The following C10orf67 variants were observed in gnomAD, a reference collection of about 807,000 sequenced individuals.
The protein encoded by C10orf67 is chromosome 10 open reading frame 67.
C10orf67 carries 60 observed loss-of-function variants against 35.6 expected under a neutral mutation model. The ratio of observed to expected loss-of-function variants is 1.68; its 90% CI spans 1.37 to 2.09. The LOEUF (loss-of-function observed/expected upper bound fraction) is 2.09, where lower values mean the gene tolerates loss of function less well. Ranked by LOEUF, C10orf67 falls within the 30% of genes most tolerant of loss-of-function variation. The pLI is 0.00. For synonymous variants in C10orf67, 167 were observed against 115.8 expected, an observed-to-expected ratio of 1.44 and a Z score of -2.84; for missense variants, 474 against 330.2, an observed-to-expected ratio of 1.44 and a Z score of -3.38.
At chr10:23,309,188 A>G (rs1412984129) in intron 4 of C10orf67, among the ~76,000 whole-genome samples, 1 of 152,218 alleles carries the variant, frequency 6.6e-6, no homozygotes, top group Admixed American at 6.5e-5. Context: ...TAATATATAT[A>G]TCATGGAATA....
chr10:23,297,770 A>G (rs1296689842), intron 5 of C10orf67, among the ~76,000 whole-genome samples: 1 of 152,270 alleles, frequency 6.6e-6, no homozygotes, highest in Non-Finnish European at 1.5e-5. Context: ...ACAAGTGCGC[A>G]GTCGCAGCAC....
intron 10 of C10orf67, among the ~76,000 whole-genome samples, chr10:23,262,188 G>A (rs904852994): frequency 5.3e-5 from 8 of 152,186 alleles, no homozygotes; most frequent in African/African-American, 1.2e-4. Context: ...ATGAGTGACA[G>A]CATGTCAGAT....
At chr10:23,243,467 T>C (rs1564468829) in intron 12 of C10orf67, among the ~76,000 whole-genome samples, 1 of 152,178 alleles carries the variant, frequency 6.6e-6, no homozygotes, top group Non-Finnish European at 1.5e-5. Context: ...GCGGATCATC[T>C]GAGGTCAGGA....
intron 8 of C10orf67, among the ~76,000 whole-genome samples, chr10:23,277,219 A>G (rs1843217436): frequency 6.6e-6 from 1 of 152,186 alleles, no homozygotes; most frequent in Admixed American, 6.5e-5. Flanking sequence ...ATCTACGAGA[A>G]TTTAAATATT....
chr10:23,260,246 G>A (rs934372226), intron 10 of C10orf67, among the ~76,000 whole-genome samples: 1 of 152,026 alleles, frequency 6.6e-6, no homozygotes, highest in Non-Finnish European at 1.5e-5. Context: ...TATCTTCAAA[G>A]TATTAAAAGA....
At chr10:23,227,842 C>T (rs1841783918) in intron 13 of C10orf67, among the ~76,000 whole-genome samples, 1 of 152,054 alleles carries the variant, frequency 6.6e-6, no homozygotes, top group Non-Finnish European at 1.5e-5. Flanking sequence ...TTCATAATTG[C>T]TTCAAAGAGA....
chr10:23,212,532 C>T (rs1409283706), intron 15 of C10orf67, among the ~76,000 whole-genome samples: 1 of 152,112 alleles, frequency 6.6e-6, no homozygotes, highest in East Asian at 1.9e-4. Flanking sequence ...TGAGAAACAA[C>T]AACAACAACA....
chr10:23,214,378 C>T (rs960137622), intron 15 of C10orf67, among the ~76,000 whole-genome samples: 17 of 151,948 alleles, frequency 1.1e-4, no homozygotes, highest in African/African-American at 2.7e-4. Flanking sequence ...GCAATCTGAA[C>T]GAAGCATATT....
At chr10:23,218,307 ATTTTTTTT>A (rs371926193) in intron 15 of C10orf67, among the ~76,000 whole-genome samples, 2 of 119,102 alleles carry the variant, frequency 1.7e-5, no homozygotes, top group African/African-American at 6.7e-5. Flanking sequence ...CACGAGGCTA[ATTTTTTTT>A]TTTTTTTTTT....
chr10:23,245,454 A>G (rs1842292598), intron 12 of C10orf67, among the ~76,000 whole-genome samples: 1 of 152,196 alleles, frequency 6.6e-6, no homozygotes, highest in South Asian at 2.1e-4. Context: ...TTTGCAAACC[A>G]TACATCTTAT....
chr10:23,283,073 G>A (rs115280668), intron 7 of C10orf67, among the ~76,000 whole-genome samples: 8,382 of 152,140 alleles, frequency 0.055, 746 homozygotes, highest in African/African-American at 0.19. Context: ...TAAATGGATT[G>A]TTCGTAATAC....
chr10:23,257,567 C>A lies in C10orf67; in HGVS notation c.1201-6876G>T, dbSNP rs144803464. ...CCTGTAATCCCAGCACTTTGGGGGGCCAAGGCAGGAGAATCCCTTGAGCTC... is the reference window on the plus strand; with the variant it reads ...CCTGTAATCCCAGCACTTTGGGGGGACAAGGCAGGAGAATCCCTTGAGCTC... On this transcript the variant is annotated intron_variant, in intron 10 of 15. Coordinates refer to ENST00000636213, the MANE Select transcript of C10orf67 (RefSeq NM_001371909.1). Among the ~76,000 whole-genome samples the A allele has an allele frequency of 5.8e-3, 889 of 152,266 alleles. 6 individuals carry two copies. Among genetic ancestry groups the A allele is most frequent in the African/African-American group, 0.02 (837 of 41,546 alleles).
At chr10:23,305,412 T>C (rs905970627) in intron 4 of C10orf67, among the ~76,000 whole-genome samples, 1 of 152,134 alleles carries the variant, frequency 6.6e-6, no homozygotes, top group African/African-American at 2.4e-5. Flanking sequence ...CTGAAGCAGG[T>C]GGATCACTCG....
chr10:23,252,452 T>G (rs1338348280), intron 10 of C10orf67, among the ~76,000 whole-genome samples: 1 of 152,242 alleles, frequency 6.6e-6, no homozygotes, highest in East Asian at 1.9e-4. Flanking sequence ...CAGGGCCAAG[T>G]GCTTTTCTTG....
intron 5 of C10orf67, among the ~76,000 whole-genome samples, chr10:23,299,245 A>G (rs1337761889): frequency 2.0e-5 from 3 of 152,114 alleles, no homozygotes; most frequent in Non-Finnish European, 4.4e-5. Flanking sequence ...GGGCTATTGC[A>G]TGGTTTTACT....
intron 1 of C10orf67, 42 bp downstream of exon 1, chr10:23,344,527 C>G: frequency 6.5e-7 from 1 of 1,539,756 alleles, no homozygotes. Flanking sequence ...CCCCTGGACC[C>G]TGCTCGCTTC....
At chr10:23,284,796 G>A (rs1843484213) in intron 7 of C10orf67, among the ~76,000 whole-genome samples, 1 of 152,144 alleles carries the variant, frequency 6.6e-6, no homozygotes, top group African/African-American at 2.4e-5. Context: ...GTTTATGAAG[G>A]TTTTCTAGAA....
intron 15 of C10orf67, among the ~76,000 whole-genome samples, chr10:23,212,168 T>A (rs111720603): frequency 1.3e-3 from 192 of 152,270 alleles, no homozygotes; most frequent in African/African-American, 4.5e-3. Flanking sequence ...GAGAATGTCA[T>A]CTACAGGTAA....
chr10:23,267,205 A>T lies in C10orf67; in HGVS notation c.1025T>A (p.Leu342Ter). 2 of 715,756 alleles carry T rather than the reference A, an allele frequency of 2.8e-6. No individual in the cohort carries two copies. The highest frequency in any genetic ancestry group is 4.6e-4 in the Middle Eastern group (2 of 4,344). 44.3% of individuals were successfully genotyped at this position (715,756 alleles called of 1,614,324 possible). Residue 342 changes from leucine to a stop codon, truncating the protein, a stop_gained, in exon 9 of 16, where the codon TTA becomes TAA. Coordinates refer to ENST00000636213, the MANE Select transcript of C10orf67 (RefSeq NM_001371909.1). LOFTEE classifies it high-confidence loss of function. The stretch of plus-strand genomic sequence containing the variant: ...AACTTAAATACAAACCTTTACACTT[A>T]AGCTGCCATACTTTTTTCTCATTTC... ...DKEMRKKYGS[L>*]SVKVARSAKG...
Sources: gnomAD v4.1 joint callset for allele counts (sites outside exome capture counted in the v4.1 genomes callset) on GRCh38, gnomAD v4.1.1 for gene constraint, MANE v1.5 for transcripts, NCBI Gene and HGNC (gene_info 2026-07-23, HGNC 2026-07-21) for gene names.